Variants in COL14A1 observed in about 807,000 individuals in gnomAD.
The protein encoded by COL14A1 is collagen alpha-1(XIV) chain.
In COL14A1, 136 loss-of-function variants were observed where a neutral mutation model predicts 230.3. The ratio of observed to expected loss-of-function variants is 0.59; its 90% CI spans 0.51 to 0.68. The LOEUF (loss-of-function observed/expected upper bound fraction) is 0.68, where lower values mean the gene tolerates loss of function less well. COL14A1 is among the 30% of genes least tolerant of loss of function. The pLI, the probability that COL14A1 is intolerant of heterozygous loss-of-function variation, is 0.00. For synonymous variants in COL14A1, 792 were observed against 784.1 expected (o/e 1.01, Z -0.17); for missense variants, 1,976 against 2,215.8 (o/e 0.89, Z 2.17).
chr8:120,230,547 C>T (rs766968140), intron 18 of COL14A1, among the ~76,000 whole-genome samples: 25 of 152,014 alleles, frequency 1.6e-4, no homozygotes, highest in Non-Finnish European at 3.2e-4. Flanking sequence ...ATGCTTCCCC[C>T]GTTTTTCTCT....
At chr8:120,244,612 C>A (rs1348960524) in intron 20 of COL14A1, among the ~76,000 whole-genome samples, 1 of 152,158 alleles carries the variant, frequency 6.6e-6, no homozygotes, top group Non-Finnish European at 1.5e-5. Flanking sequence ...GCTTATCTCC[C>A]ACTTATAAGT....
intron 45 of COL14A1, among the ~76,000 whole-genome samples, chr8:120,355,454 G>T: frequency 6.7e-6 from 1 of 149,266 alleles, no homozygotes; most frequent in African/African-American, 2.5e-5. Flanking sequence ...CCCCCAGACT[G>T]GATTGCAGTG....
At chr8:120,128,124 T>TA (rs1466366408) in intron 1 of COL14A1, among the ~76,000 whole-genome samples, 1 of 152,054 alleles carries the variant, frequency 6.6e-6, no homozygotes, top group African/African-American at 2.4e-5. Context: ...TGTGAGTAAA[T>TA]AAAAAATGGC....
chr8:120,185,834 G>A (rs199703175), intron 5 of COL14A1, among the ~76,000 whole-genome samples: 1 of 152,164 alleles, frequency 6.6e-6, no homozygotes, highest in East Asian at 1.9e-4. Context: ...GTGCAATGGC[G>A]TGATCTTGGC....
chr8:120,165,764 G>A (rs1032750732), intron 4 of COL14A1, among the ~76,000 whole-genome samples: 6 of 152,240 alleles, frequency 3.9e-5, no homozygotes, highest in South Asian at 4.1e-4. Flanking sequence ...CCTCTTCAAC[G>A]ATTAGGAGAG....
chr8:120,314,020 G>C lies in COL14A1; in HGVS notation c.4544G>C (p.Gly1515Ala). ...PQGPSGLSIQ[G>A]MPGMPGEKGE... Reference sequence around the variant, plus strand: ...GGACCAAGTGGTCTGTCCATTCAAGGAATGCCCGTGAGTTGTGTTCAAACA... The same window carrying C: ...GGACCAAGTGGTCTGTCCATTCAAGCAATGCCCGTGAGTTGTGTTCAAACA... Residue 1515 changes from glycine (G) to alanine (A), a missense_variant, in exon 38 of 48, where the codon GGA becomes GCA. Physicochemically the swap from Gly to Ala is moderately conservative, Grantham distance 60. Coordinates refer to ENST00000297848, the MANE Select transcript of COL14A1 (RefSeq NM_021110.4). 6.2e-7 allele frequency: 1 copy of C among 1,607,694 alleles called. No individual in the cohort carries two copies.
At position 120,342,723 on chromosome 8, in the gene COL14A1, G is replaced by A. The variant is rs2290524; in HGVS notation, c.4888+277G>A. On this transcript the variant is annotated intron_variant, in intron 44 of 47. Coordinates refer to ENST00000297848, the MANE Select transcript of COL14A1 (RefSeq NM_021110.4). ...AAATTTAACTTGACTGCCCAGATCAGATCTTCTATTCCTTTCTCATCTTTC... is the reference window on the plus strand; with the variant it reads ...AAATTTAACTTGACTGCCCAGATCAAATCTTCTATTCCTTTCTCATCTTTC... 0.51 allele frequency among the ~76,000 whole-genome samples: 77,460 copies of A among 151,996 alleles called. 20,560 individuals are homozygous for A. Among genetic ancestry groups the A allele is most frequent in the African/African-American group, 0.68 (28,168 of 41,478 alleles).
In COL14A1 at chr8:120,332,171, C is replaced by G; in HGVS notation, c.4690C>G (p.Pro1564Ala). ...TCCGGGAAAGGATGGATCCTCGGGACCTCCAGGACCACCAGGGCCAATAGT... is the reference window on the plus strand; with the variant it reads ...TCCGGGAAAGGATGGATCCTCGGGAGCTCCAGGACCACCAGGGCCAATAGT... The part of the protein sequence containing the change: ...GLPGKDGSSG[P>A]PGPPGPIGIP... The change falls in exon 41 of 48, where the codon CCT (proline) becomes GCT (alanine). Residue 1564 changes from proline (P) to alanine (A), a missense_variant. Physicochemically the swap from Pro to Ala is conservative, Grantham distance 27. Coordinates refer to ENST00000297848, the MANE Select transcript of COL14A1 (RefSeq NM_021110.4). 6.2e-7 allele frequency: 1 copy of G among 1,614,086 alleles called. No individual in the cohort carries two copies. Among genetic ancestry groups the G allele is most frequent in the Non-Finnish European group, 8.5e-7 (1 of 1,179,960 alleles).
At position 120,212,469 on chromosome 8, in the gene COL14A1, A is replaced by T. The variant is rs762130852; in HGVS notation, c.1489A>T (p.Thr497Ser). Residue 497 changes from threonine to serine, a missense_variant, in exon 13 of 48, where the codon ACA (threonine) becomes TCA (serine). Around this residue, in one of 3 missense-constraint regions of COL14A1, gnomAD observed 1,791 missense variants for 2,019.5 expected, o/e 0.89. Coordinates refer to ENST00000297848, the MANE Select transcript of COL14A1 (RefSeq NM_021110.4). ...TCAGATGAAAATTGGAGAGACCCAC[A>T]CAGATATTGAATTGAGTGGGTTGTT... ...EKEMKIGETHTDIELSGLLPN... is the reference protein window; with the variant it reads ...EKEMKIGETHSDIELSGLLPN... 1 of 1,613,404 alleles carries T rather than the reference A, an allele frequency of 6.2e-7. No homozygotes were observed. The highest frequency in any genetic ancestry group is 8.5e-7 in the Non-Finnish European group (1 of 1,179,460).
At chr8:120,302,053 G>A (rs954758459) in intron 36 of COL14A1, among the ~76,000 whole-genome samples, 9 of 151,766 alleles carry the variant, frequency 5.9e-5, no homozygotes, top group African/African-American at 2.2e-4. Context: ...GTCTGTTTAT[G>A]TCCTTTGCTC....
At chr8:120,359,433 A>G (rs1292673793) in intron 45 of COL14A1, among the ~76,000 whole-genome samples, 1 of 152,118 alleles carries the variant, frequency 6.6e-6, no homozygotes, top group Admixed American at 6.5e-5. Context: ...CACTTTTCCA[A>G]CAGTGGAGAG....
chr8:120,210,235 G>A (rs1046723710), intron 12 of COL14A1, among the ~76,000 whole-genome samples: 1 of 152,122 alleles, frequency 6.6e-6, no homozygotes, highest in Admixed American at 6.5e-5. Flanking sequence ...AACAGATCAT[G>A]TTTAATCAAT....
chr8:120,332,643 A>T, intron 41 of COL14A1, 21 bp from the exon 42 acceptor site: 4 of 1,604,172 alleles, frequency 2.5e-6, no homozygotes, highest in Non-Finnish European at 3.4e-6. Context: ...ACTTTGTTCC[A>T]TTTTCCTACC....
intron 3 of COL14A1, among the ~76,000 whole-genome samples, chr8:120,160,815 A>G (rs1181258580): frequency 2.6e-5 from 4 of 152,238 alleles, no homozygotes; most frequent in African/African-American, 4.8e-5. Flanking sequence ...GGATGCTAAT[A>G]GCTATTATAT....
At position 120,244,011 on chromosome 8, in the gene COL14A1, A is replaced by AAGTG. The variant is rs775682570; in HGVS notation, c.2479+5_2479+8dup. 8.1e-6 allele frequency: 13 copies of AAGTG among 1,610,112 alleles called. No individual in the cohort carries two copies. In the African/African-American group the frequency reaches 1.7e-4, roughly 22 times the overall value. On this transcript the variant is annotated splice_donor_region_variant and intron_variant, in intron 20 of 47. Coordinates refer to ENST00000297848, the MANE Select transcript of COL14A1 (RefSeq NM_021110.4). ...CGTCTCCGCTCCTGGAAAAACCTGT[A>AAGTG]AGTGAAGCTTTCTCCCTTTGAATAC...
chr8:120,250,093 G>T (rs4871052), intron 21 of COL14A1, among the ~76,000 whole-genome samples: 13,976 of 152,142 alleles, frequency 0.092, 1,259 homozygotes, highest in East Asian at 0.4. Flanking sequence ...CTAATCAAGG[G>T]CCTTGGAATA....
At chr8:120,342,050 A>G (rs1291211277) in intron 43 of COL14A1, among the ~76,000 whole-genome samples, 1 of 152,208 alleles carries the variant, frequency 6.6e-6, no homozygotes, top group Non-Finnish European at 1.5e-5. Flanking sequence ...TGCTCGAGAA[A>G]GTGCTGTATT....
Position 120,319,039 on chromosome 8 carries a change from A to G in COL14A1, c.4659+3042A>G, listed in dbSNP as rs184018677. On this transcript the variant is annotated intron_variant, in intron 40 of 47. Coordinates refer to ENST00000297848, the MANE Select transcript of COL14A1 (RefSeq NM_021110.4). ...TCAATGATGTTTAATCGGCGCTTTT[A>G]GCTCCTTGGACAGTGTAAGGAGTAC... Among the ~76,000 whole-genome samples the G allele has an allele frequency of 8.6e-4, 131 of 152,330 alleles. 1 individual carries two copies. The highest frequency in any genetic ancestry group is 1.3e-3 in the Admixed American group (20 of 15,300).
chr8:120,334,585 A>ACACACACAC (rs113923173), intron 42 of COL14A1, among the ~76,000 whole-genome samples: 7,608 of 144,684 alleles, frequency 0.053, 245 homozygotes, highest in South Asian at 0.081. Flanking sequence ...CACACACAAA[A>ACACACACAC]ACACACACAC....
Sources: allele counts gnomAD v4.1 joint callset (sites outside exome capture counted in the v4.1 genomes callset), GRCh38; gene constraint gnomAD v4.1.1; regional missense constraint gnomAD v4.1.1; transcripts MANE v1.5; gene names NCBI Gene and HGNC (gene_info 2026-07-23, HGNC 2026-07-21).